Variants in UCKL1 observed in about 807,000 individuals in gnomAD.
UCKL1 encodes uridine-cytidine kinase-like 1.
In UCKL1, 65 loss-of-function variants were observed where a neutral mutation model predicts 59.2. That is an observed-to-expected ratio of 1.10 (90% CI 0.90 to 1.35). UCKL1 has a LOEUF of 1.35. Among genes scored for constraint, UCKL1 ranks in the 40% most tolerant of loss-of-function variants. The probability of loss-of-function intolerance (pLI) is 0.00; values close to 1 mark genes in which losing one functional copy is unlikely to be tolerated. For missense variants in UCKL1, 703 were observed against 784.3 expected (o/e 0.90, Z 1.24); for synonymous variants, 410 against 323.1 (o/e 1.27, Z -2.88).
chr20:63,951,195 G>A, intron 1 of UCKL1: 1 of 1,016,976 alleles, frequency 9.8e-7, no homozygotes, highest in Non-Finnish European at 1.2e-6. Context: ...CCCAGCTGGG[G>A]GCTTGTGTAT....
chr20:63,940,887 GCGCAGGGAGCT>G (rs769558696), intron 10 of UCKL1, 31 bp from the exon 11 acceptor site: 1 of 1,525,416 alleles, frequency 6.6e-7, no homozygotes, highest in Non-Finnish European at 8.8e-7. Context: ...ACTCCGGTGA[GCGCAGGGAGCT>G]CGCACCGGCT....
At chr20:63,951,232 C>A in intron 1 of UCKL1, 1 of 988,484 alleles carries the variant, frequency 1.0e-6, no homozygotes, top group Non-Finnish European at 1.2e-6. Context: ...GCTGGCTTTG[C>A]CTGGTGTGGC....
rs779966705 is a variant in UCKL1 at position 63,941,228 on chromosome 20, G to A, written c.924-20C>T. On this transcript the variant is annotated intron_variant, in intron 8 of 14. Transcript: ENST00000354216. ...GCAGCCCTGGGGACAAACCGATGGG[G>A]AACACTCAAGAAGGGGGTCTTTTCC... The A allele has an allele frequency of 6.1e-6, 9 of 1,484,382 alleles. No individual in the cohort carries two copies. In the African/African-American group the frequency reaches 9.8e-5, roughly 16 times the overall value. The allele number at this position is 1,484,382 out of a possible 1,614,324, so 92.0% of individuals were successfully genotyped here. A position where few individuals can be genotyped will look rare whatever the true frequency, so the allele number is the denominator to read the frequency against.
At chr20:63,946,724 A>AT (rs111264888) in intron 1 of UCKL1, 81 bp from the exon 2 acceptor site, 1,401,771 of 1,435,092 alleles carry the variant, frequency 0.98, 685,587 homozygotes, top group East Asian at 1. Flanking sequence ...CCCACAGGGC[A>AT]CCCCCCCCAC....
rs2053900503 is a variant in UCKL1, at chr20:63,939,946, G to A, written c.*30C>T. ...TCCTGGGTCAGGAGGCAGGAGGAGG[G>A]TGGTGGGGACGGGATGGCTCACTGG... On this transcript the variant is annotated 3_prime_UTR_variant, in exon 15 of 15. Coordinates refer to ENST00000354216, the MANE Select transcript of UCKL1 (RefSeq NM_017859.4). 1.2e-6 allele frequency: 2 copies of A among 1,600,254 alleles called. No homozygotes were observed. The highest frequency in any genetic ancestry group is 1.7e-5 in the Admixed American group (1 of 59,892).
intron 3 of UCKL1, 91 bp from the exon 4 acceptor site, chr20:63,946,066 C>T (rs2056101995): frequency 6.2e-7 from 1 of 1,608,686 alleles, no homozygotes; most frequent in Non-Finnish European, 8.5e-7. Context: ...CAGGAGCAGC[C>T]ACGCTGGGGC....
At chr20:63,941,544 G>A (rs751209540) in intron 8 of UCKL1, 1 of 338,574 alleles carries the variant, frequency 3.0e-6, no homozygotes, top group Non-Finnish European at 6.0e-6. Context: ...GGGCTCACAC[G>A]TGCTGATAGG....
At chr20:63,951,158 G>A (rs761597003) in intron 1 of UCKL1, 1 of 1,056,770 alleles carries the variant, frequency 9.5e-7, no homozygotes, top group Non-Finnish European at 1.1e-6. Flanking sequence ...GTCCTCAGAG[G>A]CCAAGGCCAC....
chr20:63,946,709 G>T, intron 1 of UCKL1, 66 bp from the exon 2 acceptor site: 2 of 1,479,600 alleles, frequency 1.4e-6, no homozygotes, highest in Non-Finnish European at 1.8e-6. Flanking sequence ...CGCTGGCATG[G>T]CCGGCCCACA....
intron 1 of UCKL1, among the ~76,000 whole-genome samples, chr20:63,948,846 A>G (rs1460065864): frequency 5.3e-5 from 8 of 151,912 alleles, no homozygotes; most frequent in Non-Finnish European, 1.5e-5. Flanking sequence ...GCCATAAACC[A>G]AACCGTAGTC....
At position 63,951,778 on chromosome 20, in the gene UCKL1, A is replaced by G. The variant is rs560472057; in HGVS notation, c.113+4482T>C. On this transcript the variant is annotated intron_variant, in intron 1 of 14. Transcript: ENST00000354216. ...ACAGCCACCTCCCCGCCCAGGGCTC[A>G]GCAGGGCACAGGGGACACAGCCACC... 2.6e-5 allele frequency among the ~76,000 whole-genome samples: 4 copies of G among 152,022 alleles called. No individual in the cohort carries two copies. The East Asian group carries it at 7.8e-4, about 29-fold the overall frequency.
intron 1 of UCKL1, among the ~76,000 whole-genome samples, chr20:63,950,589 C>T (rs917760962): frequency 6.6e-6 from 1 of 152,210 alleles, no homozygotes; most frequent in African/African-American, 2.4e-5. Flanking sequence ...GACCAACAGC[C>T]TCAAGCAAAA....
At position 63,944,574 on chromosome 20, in the gene UCKL1, A is replaced by G. The variant is rs773465395; in HGVS notation, c.815T>C (p.Met272Thr). 5 of 1,612,384 alleles carry G rather than the reference A, an allele frequency of 3.1e-6. No individual in the cohort carries two copies. Among genetic ancestry groups the G allele is most frequent in the Non-Finnish European group, 4.2e-6 (5 of 1,179,686 alleles). Residue 272 changes from methionine to threonine, a missense_variant, in exon 6 of 15, where the codon ATG becomes ACG. Transcript: ENST00000354216. ...GGGGACCACGATGTCTGCCAGGCGC[A>G]TGGTGGGCTGGATGTACTGGTCGAA... ...PSFDQYIQPTMRLADIVVPRG... is the reference protein window; with the variant it reads ...PSFDQYIQPTTRLADIVVPRG...
rs1335487719 is a variant in UCKL1, at chr20:63,946,241, T to C, written c.331A>G (p.Lys111Glu). The C allele has an allele frequency of 6.2e-7, 1 of 1,603,624 alleles. No homozygotes were observed. Among genetic ancestry groups the C allele is most frequent in the Admixed American group, 1.7e-5 (1 of 58,740 alleles). ...IGLGGGSASGKTTVARMIIEA... is the reference protein window; with the variant it reads ...IGLGGGSASGETTVARMIIEA... ...ATGATCATTCTGGCCACAGTGGTCT[T>C]CCCAGAGGCACTGCCGCCTCCCAAG... Residue 111 changes from lysine (K) to glutamate (E), a missense_variant, in exon 3 of 15, where the codon AAG (lysine) becomes GAG (glutamate). Lys to Glu is a moderately conservative substitution (Grantham distance 56, BLOSUM62 1). This residue lies in a region of UCKL1 where 398 missense variants were observed against 373.0 expected (regional missense o/e 1.07). Transcript: ENST00000354216.
rs1461185361 is a variant in UCKL1, at chr20:63,946,556, T to C, written c.201A>G (p.Ser67=). ...PRKRTTSQCK[S]EPPLLRTSKR... ...TGCTTGTACGCAGCAGGGGAGGCTCTGACTTGCACTGGCTGGTGGTCCGCT... is the reference window on the plus strand; with the variant it reads ...TGCTTGTACGCAGCAGGGGAGGCTCCGACTTGCACTGGCTGGTGGTCCGCT... Residue 67 remains serine (S), a synonymous_variant, in exon 2 of 15, where the codon TCA becomes TCG. Transcript: ENST00000354216. 2.5e-6 allele frequency: 4 copies of C among 1,611,154 alleles called. No homozygotes were observed. The African/African-American group carries it at 5.3e-5, about 22-fold the overall frequency.
intron 1 of UCKL1, chr20:63,950,840 G>C: frequency 6.6e-7 from 1 of 1,512,240 alleles, no homozygotes; most frequent in Non-Finnish European, 8.8e-7. Flanking sequence ...CGAGGACACG[G>C]GTGGGTGCTC....
chr20:63,941,402 C>T (rs2054357109), intron 8 of UCKL1, 194 bp from the exon 9 acceptor site: 1 of 813,568 alleles, frequency 1.2e-6, no homozygotes, highest in Non-Finnish European at 1.9e-6. Flanking sequence ...CAGGCAAAGG[C>T]GAAAGATGGC....
chr20:63,952,429 G>A (rs971200882), intron 1 of UCKL1, among the ~76,000 whole-genome samples: 1 of 152,200 alleles, frequency 6.6e-6, no homozygotes, highest in Non-Finnish European at 1.5e-5. Flanking sequence ...CTGGAATCAC[G>A]TCGCCTCGCT....
At chr20:63,947,344 C>A (rs2056516079) in intron 1 of UCKL1, among the ~76,000 whole-genome samples, 2 of 152,234 alleles carry the variant, frequency 1.3e-5, no homozygotes, top group Admixed American at 1.3e-4. Flanking sequence ...CCAAAATGGA[C>A]CACGTTCCCT....
Sources: allele counts gnomAD v4.1 joint callset (sites outside exome capture counted in the v4.1 genomes callset), GRCh38; gene constraint gnomAD v4.1.1; regional missense constraint gnomAD v4.1.1; transcripts MANE v1.5; gene names NCBI Gene and HGNC (gene_info 2026-07-23, HGNC 2026-07-21).